SLC9C2: variants seen among roughly 807,000 people sequenced by gnomAD.
SLC9C2 encodes the protein sodium/hydrogen exchanger 11.
In SLC9C2, 75 loss-of-function variants were observed where a neutral mutation model predicts 140.2. The ratio of observed to expected loss-of-function variants is 0.53; its 90% CI spans 0.44 to 0.65. The LOEUF (loss-of-function observed/expected upper bound fraction) is 0.65, where lower values mean the gene tolerates loss of function less well. Among genes scored for constraint, SLC9C2 ranks in the 30% least tolerant of loss-of-function variants. The probability of loss-of-function intolerance (pLI) is 0.00; values close to 1 mark genes in which losing one functional copy is unlikely to be tolerated. For synonymous variants in SLC9C2, 375 were observed against 420.9 expected (o/e 0.89, Z 1.34); for missense variants, 1,074 against 1,331.8 (o/e 0.81, Z 3.01).
At chr1:173,544,008 G>T (rs903404057) in intron 13 of SLC9C2, among the ~76,000 whole-genome samples, 10 of 152,128 alleles carry the variant, frequency 6.6e-5, no homozygotes, top group African/African-American at 1.9e-4. Flanking sequence ...TGACAAATGG[G>T]ATCTAATTAA....
intron 3 of SLC9C2, 83 bp from the exon 4 acceptor site, chr1:173,598,115 A>G (rs1187908169): frequency 2.1e-6 from 3 of 1,404,418 alleles, no homozygotes; most frequent in Non-Finnish European, 2.9e-6. Flanking sequence ...CAATCAATAT[A>G]AATTTTAGAA....
At chr1:173,595,986 T>C (rs550815642) in intron 4 of SLC9C2, among the ~76,000 whole-genome samples, 53 of 152,304 alleles carry the variant, frequency 3.5e-4, no homozygotes, top group African/African-American at 1.3e-3. Flanking sequence ...TCTCCAGACC[T>C]ACAGTTTTGC....
intron 21 of SLC9C2, among the ~76,000 whole-genome samples, chr1:173,522,946 T>A (rs1304583591): frequency 6.6e-6 from 1 of 152,256 alleles, no homozygotes; most frequent in Non-Finnish European, 1.5e-5. Flanking sequence ...AGAGCAGCCT[T>A]CCATGGCCGC....
Position 173,501,090 on chromosome 1 carries a change from GTT to G in SLC9C2, c.*2_*3del, listed in dbSNP as rs751287785. ...ATACCCTTTTCTAAAATGGTATCCA[GTT>G]TTCAACTATAAAAGAAAGTCAAAAG... On this transcript the variant is annotated 3_prime_UTR_variant, in exon 28 of 28. Transcript: ENST00000367714. 6.5e-7 allele frequency: 1 copy of G among 1,533,090 alleles called. No individual in the cohort carries two copies. Among genetic ancestry groups the G allele is most frequent in the Non-Finnish European group, 8.8e-7 (1 of 1,139,600 alleles). The allele number at this position is 1,533,090 out of a possible 1,614,324, so 95.0% of individuals were successfully genotyped here. A position where few individuals can be genotyped will look rare whatever the true frequency, so the allele number is the denominator to read the frequency against.
intron 8 of SLC9C2, among the ~76,000 whole-genome samples, chr1:173,576,051 G>A (rs924339557): frequency 2.0e-5 from 3 of 152,046 alleles, no homozygotes; most frequent in Non-Finnish European, 2.9e-5. Context: ...TCAGGATTAC[G>A]GCTTATTTTT....
At chr1:173,578,451 T>C (rs987575825) in intron 7 of SLC9C2, among the ~76,000 whole-genome samples, 14 of 152,224 alleles carry the variant, frequency 9.2e-5, no homozygotes, top group African/African-American at 3.1e-4. Context: ...TTTTTCTGAG[T>C]TTGCTTTCAG....
intron 13 of SLC9C2, among the ~76,000 whole-genome samples, chr1:173,538,149 T>C (rs1237044828): frequency 6.6e-6 from 1 of 152,204 alleles, no homozygotes; most frequent in Non-Finnish European, 1.5e-5. Context: ...ATATGCAAAT[T>C]CTGAAACTGC....
chr1:173,521,477 C>CTATATATATATATATATATA, intron 21 of SLC9C2, 78 bp from the exon 22 acceptor site: 2 of 242,818 alleles, frequency 8.2e-6, no homozygotes, highest in Middle Eastern at 3.0e-3. Flanking sequence ...TAAATATTTT[C>CTATATATATATATATATATA]TATATATATA....
In SLC9C2 at chr1:173,573,319, T is replaced by C. The variant is rs1350106966; in HGVS notation, c.909A>G (p.Leu303=). Residue 303 remains leucine, a synonymous_variant, in exon 9 of 28, where the codon TTA becomes TTG. Transcript: ENST00000367714. The part of the protein sequence containing the change: ...PKIELVITKF[L]RIFSSVYEHL... ...GTTCATATACAGATGAAAAAATTCT[T>C]AAGAACCTAGGATGAATGAAATAGA... The C allele has an allele frequency of 2.0e-6, 3 of 1,504,396 alleles. No individual in the cohort carries two copies. The highest frequency in any genetic ancestry group is 2.7e-6 in the Non-Finnish European group (3 of 1,104,240). The allele number at this position is 1,504,396 out of a possible 1,614,324, so 93.2% of individuals were successfully genotyped here.
In SLC9C2 at chr1:173,521,279, A is replaced by T. The variant is rs750509166; in HGVS notation, c.2739+22T>A. On this transcript the variant is annotated intron_variant, in intron 22 of 27. Coordinates refer to ENST00000367714, the MANE Select transcript of SLC9C2 (RefSeq NM_178527.4). ...AAATACATTTTAAGTAAAAAAAAAA[A>T]AAAAAATCAATAGTCCCTTACAATT... The T allele has an allele frequency of 5.1e-6, 7 of 1,366,986 alleles. No homozygotes were observed. In the African/African-American group the frequency reaches 9.1e-5, roughly 18 times the overall value. The allele number at this position is 1,366,986 out of a possible 1,614,324, so 84.7% of individuals were successfully genotyped here.
intron 18 of SLC9C2, among the ~76,000 whole-genome samples, 157 bp from the exon 19 acceptor site, chr1:173,526,871 A>C (rs1331194176): frequency 6.6e-6 from 1 of 152,142 alleles, no homozygotes; most frequent in Non-Finnish European, 1.5e-5. Flanking sequence ...TTTGAGACAG[A>C]GTCTTGCTCT....
chr1:173,564,974 T>C (rs1240512366), intron 9 of SLC9C2, among the ~76,000 whole-genome samples: 1 of 145,164 alleles, frequency 6.9e-6, no homozygotes, highest in African/African-American at 2.5e-5. Context: ...TTTTCTTTTT[T>C]TTTTTTTTTT....
chr1:173,589,642 T>C (rs1180663262), intron 4 of SLC9C2, among the ~76,000 whole-genome samples: 2 of 152,142 alleles, frequency 1.3e-5, no homozygotes, highest in African/African-American at 4.8e-5. Flanking sequence ...AATTTCCCAT[T>C]TTGTCCGAAT....
chr1:173,523,939 C>G (rs1316420513), intron 21 of SLC9C2, 30 bp downstream of exon 21: 1 of 1,594,344 alleles, frequency 6.3e-7, no homozygotes, highest in African/African-American at 1.4e-5. Context: ...ACCATCAAAC[C>G]TGAGCCAGAA....
chr1:173,548,060 T>C (rs1662983728), intron 12 of SLC9C2, among the ~76,000 whole-genome samples: 1 of 152,234 alleles, frequency 6.6e-6, no homozygotes, highest in Non-Finnish European at 1.5e-5. Context: ...TGTTTTCTGC[T>C]TTTTATAACA....
At chr1:173,508,108 G>A (rs568738813) in intron 24 of SLC9C2, among the ~76,000 whole-genome samples, 1 of 151,552 alleles carries the variant, frequency 6.6e-6, no homozygotes, top group African/African-American at 2.4e-5. Flanking sequence ...CAGCACAACT[G>A]GGAACCAAAA....
At chr1:173,583,805 CTGCATT>C (rs1308164389) in intron 5 of SLC9C2, among the ~76,000 whole-genome samples, 183 bp from the exon 6 acceptor site, 1 of 152,204 alleles carries the variant, frequency 6.6e-6, no homozygotes, top group Admixed American at 6.5e-5. Context: ...ATTGTGCCTC[CTGCATT>C]TGCAATGGCA....
chr1:173,508,333 T>A (rs2101896391), intron 24 of SLC9C2, among the ~76,000 whole-genome samples: 1 of 152,222 alleles, frequency 6.6e-6, no homozygotes, highest in South Asian at 2.1e-4. Flanking sequence ...TACAATTTTT[T>A]TAATGTTTTA....
rs201539309 is a variant in SLC9C2, at chr1:173,538,638, TGGA to T, written c.1558-1602_1558-1600del. 4.4e-3 allele frequency among the ~76,000 whole-genome samples: 667 copies of T among 152,242 alleles called. 6 individuals are homozygous for T. Among genetic ancestry groups the T allele is most frequent in the African/African-American group, 0.015 (625 of 41,534 alleles). ...AGATGGGATCAGAGAGAGTTTCTCT[TGGA>T]GGAGATGATACTTCAACTGAGTTTT... is the stretch of plus-strand genomic sequence containing the variant. On this transcript the variant is annotated intron_variant, in intron 13 of 27. Transcript: ENST00000367714.
Sources: allele counts gnomAD v4.1 joint callset (sites outside exome capture counted in the v4.1 genomes callset), GRCh38; gene constraint gnomAD v4.1.1; transcripts MANE v1.5; gene names NCBI Gene and HGNC (gene_info 2026-07-23, HGNC 2026-07-21).